Variants in COL5A2 observed in about 807,000 individuals in gnomAD.
COL5A2 encodes the protein collagen type V alpha 2 chain, also known as collagen alpha-2(V) chain.
In COL5A2, 23 loss-of-function variants were observed where a neutral mutation model predicts 208.2. That is an observed-to-expected ratio of 0.11 (90% CI 0.08 to 0.16). The LOEUF is 0.16. Among genes scored for constraint, COL5A2 ranks in the 10% least tolerant of loss-of-function variants. The pLI, the probability that COL5A2 is intolerant of heterozygous loss-of-function variation, is 1.00. For missense variants in COL5A2, 1,590 were observed against 1,956.4 expected, an observed-to-expected ratio of 0.81 and a Z score of 3.53; for synonymous variants, 625 against 628.5, an observed-to-expected ratio of 0.99 and a Z score of 0.08.
At position 189,045,208 on chromosome 2, in the gene COL5A2, G is replaced by A. The variant is rs553087567; in HGVS notation, c.3334C>T (p.Pro1112Ser). ...AATCCACGTTTCCCAGCTCGACCAG[G>A]TGGTCCTATAGGACCCCGAGAACCC... ...DPGSRGPIGP[P>S]GRAGKRGLPG... The change falls in exon 47 of 54, where the codon CCT becomes TCT. Residue 1112 changes from proline to serine, a missense_variant. By Grantham distance (74) the Pro-to-Ser change is moderately conservative. Coordinates refer to ENST00000374866, the MANE Select transcript of COL5A2 (RefSeq NM_000393.5). The A allele has an allele frequency of 4.4e-6, 7 of 1,607,492 alleles. No homozygotes were observed. Among genetic ancestry groups the A allele is most frequent in the Non-Finnish European group, 5.9e-6 (7 of 1,177,384 alleles).
chr2:189,103,528 C>T (rs7425276), intron 3 of COL5A2, among the ~76,000 whole-genome samples: 19,946 of 151,954 alleles, frequency 0.13, 1,336 homozygotes, highest in Middle Eastern at 0.19. Flanking sequence ...TTGGATACAA[C>T]TGAAGTAAAT....
chr2:189,430,166 G>A, the COL5A2 span, among the ~76,000 whole-genome samples: 1 of 152,094 alleles, frequency 6.6e-6, no homozygotes, highest in African/African-American at 2.4e-5. Flanking sequence ...GAATGTTTAG[G>A]GAATATCTTG....
the COL5A2 span, among the ~76,000 whole-genome samples, chr2:189,417,209 G>A: frequency 2.0e-5 from 3 of 152,014 alleles, no homozygotes; most frequent in Non-Finnish European, 4.4e-5. Context: ...TAAAACAGAA[G>A]TCTATTTTTA....
chr2:189,046,834 T>C (rs1296072266), intron 45 of COL5A2, among the ~76,000 whole-genome samples: 2 of 151,612 alleles, frequency 1.3e-5, no homozygotes, highest in Admixed American at 1.3e-4. Context: ...AAAAAAATAC[T>C]TGCCCGGGCA....
chr2:189,182,276 T>G (rs1012195184), upstream of COL5A2, among the ~76,000 whole-genome samples: 1 of 152,194 alleles, frequency 6.6e-6, no homozygotes, highest in Non-Finnish European at 1.5e-5. Context: ...GTGTATGTTT[T>G]GTAATAATAT....
chr2:189,347,784 C>T, the COL5A2 span, among the ~76,000 whole-genome samples: 1 of 152,124 alleles, frequency 6.6e-6, no homozygotes, highest in African/African-American at 2.4e-5. Context: ...CTAAGGTGAA[C>T]ACAGAACATG....
In COL5A2 at chr2:189,053,902, C is replaced by G. The variant is rs141210030; in HGVS notation, c.2492G>C (p.Gly831Ala). Residue 831 changes from glycine to alanine, a missense_variant, in exon 37 of 54, where the codon GGC (glycine) becomes GCC (alanine). Coordinates refer to ENST00000374866, the MANE Select transcript of COL5A2 (RefSeq NM_000393.5). ...CAAAATACTGTCACTTACAGGATTGCCCCGGGAGCCAGGAGGGCCAACTAA... is the reference window on the plus strand; with the variant it reads ...CAAAATACTGTCACTTACAGGATTGGCCCGGGAGCCAGGAGGGCCAACTAA... ...RGLVGPPGSR[G>A]NPGSRGENGP... The G allele has an allele frequency of 8.9e-5, 143 of 1,613,518 alleles. No individual in the cohort carries two copies. The African/African-American group carries it at 1.3e-3, about 14-fold the overall frequency.
chr2:189,147,260 G>A (rs992877002), intron 1 of COL5A2, among the ~76,000 whole-genome samples: 19 of 151,962 alleles, frequency 1.3e-4, no homozygotes, highest in African/African-American at 4.1e-4. Context: ...ACATCTATAC[G>A]AAAATTATGA....
In COL5A2 at chr2:189,064,970, C is replaced by A. The variant is rs764530061; in HGVS notation, c.1617+34G>T. 13 of 1,608,066 alleles carry A rather than the reference C, an allele frequency of 8.1e-6. No individual in the cohort carries two copies. In the South Asian group the frequency reaches 9.9e-5, roughly 12 times the overall value. On this transcript the variant is annotated intron_variant, in intron 24 of 53. Transcript: ENST00000374866. The stretch of plus-strand genomic sequence containing the variant: ...AAATGGCATCTTCTGGAGCACCCCC[C>A]ACGTAAGTATCAACATTGACAGGGC...
At chr2:189,298,258 T>C in the COL5A2 span, among the ~76,000 whole-genome samples, 1 of 152,218 alleles carries the variant, frequency 6.6e-6, no homozygotes, top group African/African-American at 2.4e-5. Flanking sequence ...TCTCTGCTTC[T>C]CTGGCTGGAC....
chr2:189,065,786 G>A (rs1686135419), intron 23 of COL5A2, among the ~76,000 whole-genome samples: 2 of 152,042 alleles, frequency 1.3e-5, no homozygotes, highest in Admixed American at 6.6e-5. Flanking sequence ...ACCTCTTCTG[G>A]TCTTTAAAAT....
chr2:189,114,389 C>T (rs536130043), intron 1 of COL5A2, among the ~76,000 whole-genome samples: 65 of 152,130 alleles, frequency 4.3e-4, no homozygotes, highest in Middle Eastern at 3.4e-3. Context: ...GTTTTCTACA[C>T]AGACATTTAC....
At chr2:189,416,168 C>A in the COL5A2 span, among the ~76,000 whole-genome samples, 3 of 152,100 alleles carry the variant, frequency 2.0e-5, no homozygotes, top group Non-Finnish European at 4.4e-5. Flanking sequence ...CCTCAGGGAT[C>A]TAGAACTAGA....
chr2:189,144,539 C>CAT (rs1688001968), intron 1 of COL5A2, among the ~76,000 whole-genome samples: 2 of 151,416 alleles, frequency 1.3e-5, no homozygotes, highest in African/African-American at 2.4e-5. Flanking sequence ...TGCATACATA[C>CAT]ATATATATGT....
chr2:189,395,724 T>C, the COL5A2 span, among the ~76,000 whole-genome samples: 1 of 150,962 alleles, frequency 6.6e-6, no homozygotes, highest in African/African-American at 2.4e-5. Flanking sequence ...GCCAATATGG[T>C]GAAACCCCGT....
intron 15 of COL5A2, among the ~76,000 whole-genome samples, 154 bp downstream of exon 15, chr2:189,078,909 T>G (rs565690461): frequency 2.1e-4 from 32 of 152,348 alleles, no homozygotes; most frequent in African/African-American, 7.5e-4. Context: ...AACTCTCCTG[T>G]GCTTGTCTAT....
the COL5A2 span, among the ~76,000 whole-genome samples, chr2:189,303,415 C>T: frequency 6.6e-6 from 1 of 152,118 alleles, no homozygotes; most frequent in Non-Finnish European, 1.5e-5. Context: ...GTCACTGCCA[C>T]CTCTATAGGC....
intron 47 of COL5A2, among the ~76,000 whole-genome samples, chr2:189,044,381 G>T (rs571708076): frequency 6.6e-6 from 1 of 151,972 alleles, no homozygotes; most frequent in Non-Finnish European, 1.5e-5. Context: ...CATAATGTTC[G>T]AAAGGTTCTT....
intron 1 of COL5A2, among the ~76,000 whole-genome samples, chr2:189,184,967 A>C (rs1688831021): frequency 6.6e-6 from 1 of 152,196 alleles, no homozygotes; most frequent in South Asian, 2.1e-4. Flanking sequence ...TTTTTTCCTA[A>C]ATGCAATGAG....
Sources: gnomAD v4.1 joint callset for allele counts (sites outside exome capture counted in the v4.1 genomes callset) on GRCh38, gnomAD v4.1.1 for gene constraint, MANE v1.5 for transcripts, NCBI Gene and HGNC (gene_info 2026-07-23, HGNC 2026-07-21) for gene names.